The following DPP6 variants were observed in gnomAD, a reference collection of about 807,000 sequenced individuals.
DPP6 encodes A-type potassium channel modulatory protein DPP6.
A neutral mutation model predicts 122.6 loss-of-function variants in DPP6; 69 were observed. The observed-to-expected ratio is 0.56, with a 90% CI of 0.46 to 0.69. The LOEUF is 0.69. DPP6 is among the 30% of genes least tolerant of loss of function. The probability of loss-of-function intolerance (pLI) is 0.00; values close to 1 mark genes in which losing one functional copy is unlikely to be tolerated. For missense variants in DPP6, 928 were observed against 1,116.9 expected, an observed-to-expected ratio of 0.83 and a Z score of 2.41; for synonymous variants, 418 against 433.1, an observed-to-expected ratio of 0.97 and a Z score of 0.43.
chr7:154,836,367 C>A (rs1219233297), intron 16 of DPP6, among the ~76,000 whole-genome samples: 2 of 152,334 alleles, frequency 1.3e-5, no homozygotes, highest in East Asian at 3.9e-4. Flanking sequence ...ACCTGGGGAG[C>A]TGAGCCTCCA....
intron 1 of DPP6, among the ~76,000 whole-genome samples, chr7:154,207,655 A>G (rs537464167): frequency 1.8e-4 from 27 of 152,392 alleles, no homozygotes; most frequent in African/African-American, 6.0e-4. Context: ...TAACTACAAA[A>G]CAAGTTTGAC....
chr7:153,987,847 G>T (rs1408550663), intron 1 of DPP6, among the ~76,000 whole-genome samples: 2 of 152,170 alleles, frequency 1.3e-5, no homozygotes, highest in Non-Finnish European at 2.9e-5. Context: ...CAGCCAAGGG[G>T]CCTTCGTCTG....
chr7:154,874,307 T>A (rs1804668656), intron 19 of DPP6, among the ~76,000 whole-genome samples: 1 of 152,128 alleles, frequency 6.6e-6, no homozygotes, highest in South Asian at 2.1e-4. Context: ...ACAAAACAAT[T>A]CTCCTTCCCT....
At chr7:153,996,180 C>T (rs1426042440) in intron 1 of DPP6, among the ~76,000 whole-genome samples, 1 of 152,116 alleles carries the variant, frequency 6.6e-6, no homozygotes, top group Non-Finnish European at 1.5e-5. Context: ...GATGACACAT[C>T]CTGAAGACAG....
intron 16 of DPP6, among the ~76,000 whole-genome samples, chr7:154,834,890 G>A (rs1404701686): frequency 6.6e-6 from 1 of 152,192 alleles, no homozygotes; most frequent in Non-Finnish European, 1.5e-5. Flanking sequence ...CCCCTGCCCT[G>A]CAAAGGTTTG....
intron 18 of DPP6, among the ~76,000 whole-genome samples, chr7:154,868,731 C>T (rs1804109846): frequency 6.6e-6 from 1 of 152,216 alleles, no homozygotes; most frequent in African/African-American, 2.4e-5. Flanking sequence ...CCTCAACTCC[C>T]ACCTCCGCAC....
At chr7:153,956,242 G>A (rs1392826068) in intron 1 of DPP6, among the ~76,000 whole-genome samples, 1 of 152,118 alleles carries the variant, frequency 6.6e-6, no homozygotes, top group African/African-American at 2.4e-5. Context: ...GACCCCACCT[G>A]CAGGGGTGCT....
At chr7:153,795,730 C>T in the DPP6 span, among the ~76,000 whole-genome samples, 1 of 151,856 alleles carries the variant, frequency 6.6e-6, no homozygotes, top group African/African-American at 2.4e-5. Context: ...CTAACGTAGA[C>T]ATTTAATAAA....
chr7:154,458,842 A>G (rs1294224687), intron 2 of DPP6, among the ~76,000 whole-genome samples: 1 of 152,170 alleles, frequency 6.6e-6, no homozygotes, highest in East Asian at 1.9e-4. Context: ...TGCCATTCAC[A>G]ATGGGAGTCC....
chr7:154,533,466 T>G (rs1828002723), intron 3 of DPP6, among the ~76,000 whole-genome samples: 1 of 152,148 alleles, frequency 6.6e-6, no homozygotes, highest in Non-Finnish European at 1.5e-5. Context: ...AAAGAAAACT[T>G]CATGCCCAGT....
chr7:153,947,771 G>A (rs573553981), intron 1 of DPP6, among the ~76,000 whole-genome samples: 1 of 152,316 alleles, frequency 6.6e-6, no homozygotes, highest in South Asian at 2.1e-4. Flanking sequence ...GGCTGCCTCT[G>A]CCTTTGGAGA....
the DPP6 span, among the ~76,000 whole-genome samples, chr7:153,880,375 A>T: frequency 1.3e-5 from 2 of 152,244 alleles, no homozygotes; most frequent in Non-Finnish European, 2.9e-5. Context: ...TTAACTGCTT[A>T]TATTTTCCAA....
intron 7 of DPP6, among the ~76,000 whole-genome samples, chr7:154,697,069 G>C (rs1840260358): frequency 6.6e-6 from 1 of 152,182 alleles, no homozygotes; most frequent in Non-Finnish European, 1.5e-5. Flanking sequence ...CTTCCAGAAT[G>C]GTAGGAGTGA....
chr7:154,356,457 C>A lies in DPP6; in HGVS notation c.244-89757C>A, dbSNP rs180748541. Among the ~76,000 whole-genome samples, 529 of 152,234 alleles carry A rather than the reference C, an allele frequency of 3.5e-3. 2 individuals are homozygous for A. The highest frequency in any genetic ancestry group is 4.9e-3 in the Non-Finnish European group (335 of 68,018). On this transcript the variant is annotated intron_variant, in intron 1 of 25. Coordinates refer to ENST00000377770, the MANE Select transcript of DPP6 (RefSeq NM_130797.4). Reference sequence around the variant, plus strand: ...GTGGCCCTTGCCTGTAATCCCAGCACTTTGGGAGGCTGAGGTGGGAGGATG... The same window carrying A: ...GTGGCCCTTGCCTGTAATCCCAGCAATTTGGGAGGCTGAGGTGGGAGGATG...
intron 1 of DPP6, among the ~76,000 whole-genome samples, chr7:154,057,107 G>A (rs1047050633): frequency 6.6e-6 from 1 of 152,220 alleles, no homozygotes; most frequent in African/African-American, 2.4e-5. Context: ...ATGAGGCCAG[G>A]TACTGAGAAG....
intron 5 of DPP6, among the ~76,000 whole-genome samples, chr7:154,632,310 G>C (rs1253537583): frequency 6.6e-6 from 1 of 152,206 alleles, no homozygotes; most frequent in Non-Finnish European, 1.5e-5. Context: ...TGTAGGAGAG[G>C]AAGGATGGAG....
intron 6 of DPP6, among the ~76,000 whole-genome samples, chr7:154,650,476 G>A (rs146345542): frequency 6.6e-6 from 1 of 152,282 alleles, no homozygotes; most frequent in East Asian, 1.9e-4. Context: ...ACATCCTGGT[G>A]ACGTGGCCTA....
At chr7:153,995,007 A>G (rs1797357195) in intron 1 of DPP6, among the ~76,000 whole-genome samples, 1 of 152,230 alleles carries the variant, frequency 6.6e-6, no homozygotes, top group Admixed American at 6.5e-5. Context: ...CAAAAGTACA[A>G]TGTCTTTTAC....
chr7:154,687,849 G>T (rs1262615792), intron 7 of DPP6, among the ~76,000 whole-genome samples: 1 of 152,126 alleles, frequency 6.6e-6, no homozygotes, highest in Non-Finnish European at 1.5e-5. Flanking sequence ...CTGGATTTTT[G>T]GGAAGGGTGT....
Sources: allele counts gnomAD v4.1 joint callset (sites outside exome capture counted in the v4.1 genomes callset), GRCh38; gene constraint gnomAD v4.1.1; transcripts MANE v1.5; gene names NCBI Gene and HGNC (gene_info 2026-07-23, HGNC 2026-07-21).